The following DLG2 variants were observed in gnomAD, a reference collection of about 807,000 sequenced individuals.
DLG2 encodes disks large homolog 2.
DLG2 carries 45 observed loss-of-function variants against 132.5 expected under a neutral mutation model. That is an observed-to-expected ratio of 0.34 (90% CI 0.27 to 0.44). DLG2 has a LOEUF of 0.44. DLG2 is among the 20% of genes least tolerant of loss of function. DLG2 has a pLI of 1.00. For missense variants in DLG2, 1,045 were observed against 1,196.9 expected, an observed-to-expected ratio of 0.87 and a Z score of 1.87; for synonymous variants, 424 against 419.6, an observed-to-expected ratio of 1.01 and a Z score of -0.13.
chr11:84,954,107 G>A (rs1430713921), intron 6 of DLG2, among the ~76,000 whole-genome samples: 1 of 151,864 alleles, frequency 6.6e-6, no homozygotes, highest in South Asian at 2.1e-4. Flanking sequence ...TCTTGGTCAC[G>A]GTGACTCTTT....
At chr11:84,023,084 T>C (rs1593290532) in intron 11 of DLG2, among the ~76,000 whole-genome samples, 1 of 152,254 alleles carries the variant, frequency 6.6e-6, no homozygotes, top group East Asian at 1.9e-4. Context: ...AAGATACCCA[T>C]GGTCTTTGGG....
chr11:85,128,361 C>CA, intron 5 of DLG2, among the ~76,000 whole-genome samples: 1 of 151,812 alleles, frequency 6.6e-6, no homozygotes, highest in East Asian at 1.9e-4. Context: ...ATGTTAGATT[C>CA]AAAATAGAAA....
chr11:83,885,611 C>T lies in DLG2; in HGVS notation c.1497-11123G>A, dbSNP rs868207777. Among the ~76,000 whole-genome samples the T allele has an allele frequency of 6.8e-3, 1,037 of 152,208 alleles. 14 individuals are homozygous for T. The highest frequency in any genetic ancestry group is 0.024 in the African/African-American group (997 of 41,516). Reference sequence around the variant, plus strand: ...AAATACAGAGAACGCCACAAAGATACTCCTTGAGAAGAGCAACTCCAAGAC... The same window carrying T: ...AAATACAGAGAACGCCACAAAGATATTCCTTGAGAAGAGCAACTCCAAGAC... On this transcript the variant is annotated intron_variant, in intron 15 of 27. Coordinates refer to ENST00000376104, the MANE Select transcript of DLG2 (RefSeq NM_001142699.3).
chr11:85,254,213 T>G (rs1447943763), intron 4 of DLG2, among the ~76,000 whole-genome samples: 1 of 152,092 alleles, frequency 6.6e-6, no homozygotes, highest in East Asian at 1.9e-4. Context: ...AAAAGGAAAA[T>G]TGTCCAGTAA....
chr11:84,663,433 A>T lies in DLG2; in HGVS notation c.358-128702T>A, dbSNP rs2099696820. 1.3e-5 allele frequency among the ~76,000 whole-genome samples: 2 copies of T among 152,080 alleles called. 1 individual carries two copies. Among genetic ancestry groups the T allele is most frequent in the South Asian group, 4.1e-4 (2 of 4,820 alleles). Reference sequence around the variant, plus strand: ...CAAACAAATTAGAATCTATTCTAACAGTCTATTGACAGGATATCCTAAAAG... The same window carrying T: ...CAAACAAATTAGAATCTATTCTAACTGTCTATTGACAGGATATCCTAAAAG... On this transcript the variant is annotated intron_variant, in intron 6 of 27. Transcript: ENST00000376104.
At chr11:85,292,650 A>AAGGG (rs1565279136) in intron 3 of DLG2, among the ~76,000 whole-genome samples, 9 of 29,072 alleles carry the variant, frequency 3.1e-4, no homozygotes, top group African/African-American at 1.1e-3. Flanking sequence ...GGAAGGAAGG[A>AAGGG]AGGAAGGGAG....
intron 6 of DLG2, among the ~76,000 whole-genome samples, chr11:84,912,337 T>G (rs936940697): frequency 6.6e-6 from 1 of 152,142 alleles, no homozygotes; most frequent in Non-Finnish European, 1.5e-5. Flanking sequence ...TTGTATTTTT[T>G]GGTAGAGACA....
chr11:83,572,712 G>A (rs1260156714), intron 19 of DLG2, among the ~76,000 whole-genome samples: 2 of 152,190 alleles, frequency 1.3e-5, no homozygotes, highest in Admixed American at 1.3e-4. Flanking sequence ...AGCTTCTGCT[G>A]GAGCATCTGC....
chr11:84,596,732 A>G (rs765653265), intron 6 of DLG2, among the ~76,000 whole-genome samples: 10 of 152,090 alleles, frequency 6.6e-5, no homozygotes, highest in Non-Finnish European at 1.5e-4. Flanking sequence ...GAACTAGATG[A>G]CCTCTAAATT....
At chr11:85,370,967 G>T (rs1238356467) in intron 3 of DLG2, among the ~76,000 whole-genome samples, 1 of 152,122 alleles carries the variant, frequency 6.6e-6, no homozygotes, top group African/African-American at 2.4e-5. Flanking sequence ...ACATTGTTAT[G>T]TTAAGTTATT....
intron 8 of DLG2, among the ~76,000 whole-genome samples, chr11:84,227,334 G>C (rs1044873396): frequency 6.6e-6 from 1 of 152,020 alleles, no homozygotes; most frequent in Non-Finnish European, 1.5e-5. Context: ...AATTCTGTGT[G>C]ATCAGAGGGA....
At chr11:85,250,009 T>C (rs1478131623) in intron 4 of DLG2, among the ~76,000 whole-genome samples, 4 of 152,098 alleles carry the variant, frequency 2.6e-5, no homozygotes, top group African/African-American at 7.2e-5. Flanking sequence ...AAGGCAGAGA[T>C]TTCATGCTAA....
rs1253849529 is a variant in DLG2, at chr11:84,534,719, G to C, written c.370C>G (p.Gln124Glu). The C allele has an allele frequency of 6.2e-7, 1 of 1,613,950 alleles. No individual in the cohort carries two copies. The highest frequency in any genetic ancestry group is 1.7e-5 in the Admixed American group (1 of 59,996). Reference sequence around the variant, plus strand: ...TGATCATGTGGAGCGTCCTCATCTTGATATCGATACTTCTAGGAGAAAAGA... The same window carrying C: ...TGATCATGTGGAGCGTCCTCATCTTCATATCGATACTTCTAGGAGAAAAGA... Reference protein sequence around the residue: ...PVHHCTKYRYQDEDAPHDHSL... With the variant: ...PVHHCTKYRYEDEDAPHDHSL... The change falls in exon 7 of 28, where the codon CAA becomes GAA. Residue 124 changes from glutamine (Q) to glutamate (E), a missense_variant. By Grantham distance (29) the Gln-to-Glu change is conservative. Coordinates refer to ENST00000376104, the MANE Select transcript of DLG2 (RefSeq NM_001142699.3).
chr11:83,803,212 G>T (rs2044976705), intron 17 of DLG2, among the ~76,000 whole-genome samples: 1 of 152,062 alleles, frequency 6.6e-6, no homozygotes. Context: ...ATTTTTGGGG[G>T]ATGGATTGGT....
intron 6 of DLG2, among the ~76,000 whole-genome samples, chr11:84,586,787 C>A (rs2099531089): frequency 6.6e-6 from 1 of 151,984 alleles, no homozygotes; most frequent in Non-Finnish European, 1.5e-5. Flanking sequence ...ATGGTTACTT[C>A]TTAAATTTTG....
intron 6 of DLG2, among the ~76,000 whole-genome samples, chr11:84,768,497 A>G (rs772860739): frequency 6.6e-6 from 1 of 152,182 alleles, no homozygotes; most frequent in Non-Finnish European, 1.5e-5. Context: ...AATAGTAATA[A>G]CTGCCTGACT....
chr11:83,579,970 A>AAAATAAATAAAT (rs1041738048), intron 19 of DLG2, among the ~76,000 whole-genome samples: 5 of 151,850 alleles, frequency 3.3e-5, no homozygotes, highest in Non-Finnish European at 7.4e-5. Context: ...ACTCTATCTC[A>AAAATAAATAAAT]AAATAAATAA....
intron 3 of DLG2, among the ~76,000 whole-genome samples, chr11:85,519,446 G>A (rs2074098537): frequency 6.6e-6 from 1 of 152,152 alleles, no homozygotes; most frequent in Admixed American, 6.5e-5. Context: ...GGGGCCTGTA[G>A]CCTCTTTGTT....
At chr11:85,035,625 A>G (rs762870271) in intron 6 of DLG2, among the ~76,000 whole-genome samples, 47 of 152,298 alleles carry the variant, frequency 3.1e-4, no homozygotes, top group Non-Finnish European at 6.2e-4. Flanking sequence ...GTTCACAATG[A>G]GATTTTGATG....
Sources: allele counts gnomAD v4.1 joint callset (sites outside exome capture counted in the v4.1 genomes callset), GRCh38; gene constraint gnomAD v4.1.1; transcripts MANE v1.5; gene names NCBI Gene and HGNC (gene_info 2026-07-23, HGNC 2026-07-21).